The following NRG3 variants were observed in gnomAD, a reference collection of about 807,000 sequenced individuals.
NRG3 encodes the protein pro-neuregulin-3, membrane-bound isoform.
A neutral mutation model predicts 66.9 loss-of-function variants in NRG3; 31 were observed. The ratio of observed to expected loss-of-function variants is 0.46; its 90% CI spans 0.35 to 0.63. NRG3 has a LOEUF of 0.63. Ranked by LOEUF, NRG3 falls within the 20% of genes least tolerant of loss-of-function variation. NRG3 has a pLI of 0.00. For missense variants in NRG3, 910 were observed against 878.9 expected (o/e 1.04, Z -0.45); for synonymous variants, 393 against 359.4 (o/e 1.09, Z -1.06).
chr10:82,888,358 T>C (rs1008419526), intron 4 of NRG3, among the ~76,000 whole-genome samples: 18 of 152,214 alleles, frequency 1.2e-4, no homozygotes, highest in African/African-American at 4.3e-4. Context: ...GATTCCTGGG[T>C]TGAAGAAAAT....
chr10:82,408,361 C>A (rs537558100), intron 2 of NRG3, among the ~76,000 whole-genome samples: 1 of 152,018 alleles, frequency 6.6e-6, no homozygotes, highest in African/African-American at 2.4e-5. Flanking sequence ...TGATCAAAAC[C>A]ACTTAAAACT....
At chr10:81,877,772 G>A (rs1018492587) in intron 1 of NRG3, 2 of 1,365,584 alleles carry the variant, frequency 1.5e-6, no homozygotes, top group African/African-American at 1.5e-5. Context: ...TTTGGCTGAA[G>A]CAGTCATTTT....
chr10:82,443,102 T>G (rs369172265), intron 2 of NRG3, among the ~76,000 whole-genome samples: 12 of 152,258 alleles, frequency 7.9e-5, no homozygotes, highest in African/African-American at 2.9e-4. Context: ...GATCACAATC[T>G]GAGTCTTCAA....
intron 2 of NRG3, among the ~76,000 whole-genome samples, chr10:82,453,835 G>GAA (rs2091145309): frequency 3.3e-5 from 5 of 152,142 alleles, no homozygotes; most frequent in African/African-American, 1.2e-4. Context: ...TGAATTTGAT[G>GAA]ATGCTTCTAA....
At chr10:82,756,533 G>T (rs911654287) in intron 3 of NRG3, among the ~76,000 whole-genome samples, 1 of 152,034 alleles carries the variant, frequency 6.6e-6, no homozygotes, top group Non-Finnish European at 1.5e-5. Context: ...TTATTTGATT[G>T]TGCACCTAAA....
At chr10:82,269,505 C>T (rs1322113695) in intron 1 of NRG3, among the ~76,000 whole-genome samples, 1 of 152,144 alleles carries the variant, frequency 6.6e-6, no homozygotes, top group African/African-American at 2.4e-5. Flanking sequence ...ATTGGTCACT[C>T]AGTACTCACT....
At chr10:82,596,913 A>G (rs2047315278) in intron 2 of NRG3, among the ~76,000 whole-genome samples, 1 of 152,024 alleles carries the variant, frequency 6.6e-6, no homozygotes, top group African/African-American at 2.4e-5. Flanking sequence ...TACCTGTCTC[A>G]TTTTTGAGGA....
chr10:82,268,628 A>G (rs10884448), intron 1 of NRG3, among the ~76,000 whole-genome samples: 49,198 of 151,986 alleles, frequency 0.32, 8,267 homozygotes, highest in African/African-American at 0.4. Context: ...TCATTGGGCC[A>G]ATGTAAAATT....
At chr10:81,881,585 C>A (rs1410086310) in intron 1 of NRG3, among the ~76,000 whole-genome samples, 1 of 152,098 alleles carries the variant, frequency 6.6e-6, no homozygotes, top group Non-Finnish European at 1.5e-5. Context: ...TAATATATGT[C>A]ACATGTTTCA....
intron 1 of NRG3, among the ~76,000 whole-genome samples, chr10:81,959,194 C>A (rs1306872687): frequency 6.6e-6 from 1 of 152,092 alleles, no homozygotes; most frequent in Non-Finnish European, 1.5e-5. Context: ...AGGAAGGGGA[C>A]CCAGCATTGG....
At chr10:82,719,192 TTG>T (rs1396699524) in intron 2 of NRG3, among the ~76,000 whole-genome samples, 2 of 152,006 alleles carry the variant, frequency 1.3e-5, no homozygotes, top group Non-Finnish European at 2.9e-5. Context: ...GTGAGAGTGT[TTG>T]TGGTGGAGGT....
intron 2 of NRG3, among the ~76,000 whole-genome samples, chr10:82,517,437 A>G (rs1845765517): frequency 6.6e-6 from 1 of 152,296 alleles, no homozygotes; most frequent in South Asian, 2.1e-4. Flanking sequence ...CACTGTCCAA[A>G]GGATGTTGCC....
intron 1 of NRG3, among the ~76,000 whole-genome samples, chr10:81,962,839 T>A (rs1243632924): frequency 2.6e-5 from 4 of 152,146 alleles, no homozygotes; most frequent in Non-Finnish European, 4.4e-5. Flanking sequence ...TGTCCTCTTG[T>A]TTTAGGATTT....
chr10:81,912,723 G>A (rs968835598), intron 1 of NRG3, among the ~76,000 whole-genome samples: 6 of 152,170 alleles, frequency 3.9e-5, no homozygotes, highest in Non-Finnish European at 8.8e-5. Flanking sequence ...GACGAACTTT[G>A]TAGGTAGCAG....
At chr10:82,008,448 A>G (rs1489671904) in intron 1 of NRG3, among the ~76,000 whole-genome samples, 1 of 152,240 alleles carries the variant, frequency 6.6e-6, no homozygotes, top group African/African-American at 2.4e-5. Flanking sequence ...ATAGAAAAAT[A>G]GAAAAATGAT....
chr10:82,114,483 ATAAGC>A (rs1473820497), intron 1 of NRG3, among the ~76,000 whole-genome samples: 2 of 152,260 alleles, frequency 1.3e-5, no homozygotes, highest in East Asian at 3.9e-4. Context: ...TCCTTTATAG[ATAAGC>A]TGTGCCTGTA....
chr10:82,340,777 G>A (rs2082645783), intron 1 of NRG3: 1 of 152,142 alleles, frequency 6.6e-6, no homozygotes, highest in South Asian at 2.1e-4. Context: ...TTGGGTGCTT[G>A]CTTTGGCAGC....
chr10:82,283,550 G>C (rs766993057), intron 1 of NRG3, among the ~76,000 whole-genome samples: 31 of 152,108 alleles, frequency 2.0e-4, no homozygotes, highest in Non-Finnish European at 3.7e-4. Flanking sequence ...TCTCTAGCTC[G>C]GTTCCTATAG....
intron 2 of NRG3, among the ~76,000 whole-genome samples, chr10:82,449,922 C>T (rs532126492): frequency 1.3e-5 from 2 of 152,262 alleles, no homozygotes; most frequent in East Asian, 3.9e-4. Context: ...TGACATGATA[C>T]ACTCTTCTCC....
Sources: allele counts gnomAD v4.1 joint callset (sites outside exome capture counted in the v4.1 genomes callset), GRCh38; gene constraint gnomAD v4.1.1; transcripts MANE v1.5; gene names NCBI Gene and HGNC (gene_info 2026-07-23, HGNC 2026-07-21).